The following NOL4L variants were observed in gnomAD, a reference collection of about 807,000 sequenced individuals.
NOL4L encodes nucleolar protein 4 like.
NOL4L carries 7 observed loss-of-function variants against 64.5 expected under a neutral mutation model. The ratio of observed to expected loss-of-function variants is 0.11; its 90% confidence interval spans 0.06 to 0.20. NOL4L has a LOEUF of 0.20. NOL4L is among the 10% of genes least tolerant of loss of function. The pLI, the probability that NOL4L is intolerant of heterozygous loss-of-function variation, is 1.00. For missense variants in NOL4L, 680 were observed against 967.1 expected, an observed-to-expected ratio of 0.70 and a Z score of 3.94; for synonymous variants, 413 against 401.0, an observed-to-expected ratio of 1.03 and a Z score of -0.36.
At chr20:32,476,921 G>A (rs1000998248) in intron 4 of NOL4L, among the ~76,000 whole-genome samples, 1 of 152,240 alleles carries the variant, frequency 6.6e-6, no homozygotes, top group Non-Finnish European at 1.5e-5. Flanking sequence ...GTGGCTCCAC[G>A]CAAGTTTCAG....
intron 5 of NOL4L, 147 bp downstream of exon 5, chr20:32,474,454 G>C: frequency 1.1e-6 from 1 of 883,742 alleles, no homozygotes. Flanking sequence ...AGAACACTGG[G>C]GGCAGTGCAA....
chr20:32,485,454 C>A (rs756516000), intron 4 of NOL4L: 2 of 254,552 alleles, frequency 7.9e-6, no homozygotes, highest in Admixed American at 1.0e-4. Flanking sequence ...ATTAGCGCCA[C>A]GCAGGCTTCC....
At chr20:32,491,049 C>A (rs1199789872) in intron 4 of NOL4L, among the ~76,000 whole-genome samples, 1 of 152,192 alleles carries the variant, frequency 6.6e-6, no homozygotes, top group Admixed American at 6.5e-5. Flanking sequence ...CACATATGTA[C>A]AGAGCCACTA....
rs2012408895 is a variant in NOL4L, at chr20:32,447,594, G to A, written c.*2C>T. 1 of 1,593,014 alleles carries A rather than the reference G, an allele frequency of 6.3e-7. No homozygotes were observed. The highest frequency in any genetic ancestry group is 1.7e-5 in the Admixed American group (1 of 59,668). The stretch of plus-strand genomic sequence containing the variant: ...GGCAGTGCGCTCCAGGTGCCGGTGG[G>A]GTCAGTTCTGCTGTAGGATGAGGTT... On this transcript the variant is annotated 3_prime_UTR_variant, in exon 11 of 11. Coordinates refer to ENST00000621426, the MANE Select transcript of NOL4L (RefSeq NM_001256798.2).
At position 32,465,694 on chromosome 20, in the gene NOL4L, C is replaced by T. The variant is rs1017240573; in HGVS notation, c.841+8907G>A. Among the ~76,000 whole-genome samples, 3 of 152,264 alleles carry T rather than the reference C, an allele frequency of 2.0e-5. No individual in the cohort carries two copies. In the East Asian group the frequency reaches 5.8e-4, roughly 29 times the overall value. ...ACGGGGCAGGGCCCTGGCCCCAAAG[C>T]CCCTGCAGGCCCTCCTCCAGCCCTC... On this transcript the variant is annotated intron_variant, in intron 5 of 10. Coordinates refer to ENST00000621426, the MANE Select transcript of NOL4L (RefSeq NM_001256798.2).
chr20:32,453,248 G>GCATC lies in NOL4L; in HGVS notation c.1497+55_1497+56insGATG. The GCATC allele has an allele frequency of 6.4e-7, 1 of 1,573,896 alleles. No individual in the cohort carries two copies. The highest frequency in any genetic ancestry group is 8.7e-7 in the Non-Finnish European group (1 of 1,153,870). On this transcript the variant is annotated intron_variant, in intron 8 of 10. Transcript: ENST00000621426. This position sits in a 1 kb window ranked among gnomAD's most constrained non-coding sequence, Gnocchi z 5.6. ...GGGGCCCGGGCATCCTGGGAGTGTGGCAGGAGGTCAGTAGTGGCACCGAGG... is the reference window on the plus strand; with the variant it reads ...GGGGCCCGGGCATCCTGGGAGTGTGGCATCCAGGAGGTCAGTAGTGGCACCGAGG...
chr20:32,446,977 C>T lies in NOL4L; in HGVS notation c.*619G>A. 3.2e-6 allele frequency: 1 copy of T among 307,784 alleles called. No homozygotes were observed. Among genetic ancestry groups the T allele is most frequent in the South Asian group, 2.4e-5 (1 of 40,968 alleles). 19.1% of individuals were successfully genotyped at this position (307,784 alleles called of 1,614,324 possible). On this transcript the variant is annotated 3_prime_UTR_variant, in exon 11 of 11. Coordinates refer to ENST00000621426, the MANE Select transcript of NOL4L (RefSeq NM_001256798.2). ...TGCAACAGGATGGCCTGGCCAAGGG[C>T]TAGCGGCCACAGGGTGCACCAGGCA... is the stretch of plus-strand genomic sequence containing the variant.
At position 32,452,251 on chromosome 20, in the gene NOL4L, C is replaced by T; in HGVS notation, c.1807G>A (p.Gly603Arg). The change falls in exon 10 of 11, where the codon GGA (glycine) becomes AGA (arginine). Residue 603 changes from glycine (G) to arginine (R), a missense_variant. Coordinates refer to ENST00000621426, the MANE Select transcript of NOL4L (RefSeq NM_001256798.2). ...NLQPPASLQT[G>R]NHSNGPTDLS... is the part of the protein sequence containing the mutation. Reference sequence around the variant, plus strand: ...CCCGACTCACCATTACTGTGGTTTCCTGTTTGGAGGGAGGCAGGGGGCTGC... The same window carrying T: ...CCCGACTCACCATTACTGTGGTTTCTTGTTTGGAGGGAGGCAGGGGGCTGC... 1.3e-6 allele frequency: 2 copies of T among 1,565,860 alleles called. No homozygotes were observed. The highest frequency in any genetic ancestry group is 1.2e-5 in the South Asian group (1 of 83,216).
chr20:32,537,869 C>A (rs1404310482), intron 1 of NOL4L, among the ~76,000 whole-genome samples: 1 of 151,946 alleles, frequency 6.6e-6, no homozygotes, highest in East Asian at 1.9e-4. Flanking sequence ...ACCTCCGGCT[C>A]CTGGGTTCAA....
At chr20:32,488,826 TTTTTCTTTCTTTCTTTCTTTCTTTCTTTC>T (rs1568648795) in intron 4 of NOL4L, among the ~76,000 whole-genome samples, 4 of 14,530 alleles carry the variant, frequency 2.8e-4, no homozygotes, top group Non-Finnish European at 5.2e-4. Context: ...TCTTTCTTTC[TTTTTCTTTCTTTCTTTCTTTCTTTCTTTC>T]TTTCTTTCTT....
Position 32,559,992 on chromosome 20 carries a change from C to CCGGCCCCCTGGCA in NOL4L, c.321+24565_321+24577dup, listed in dbSNP as rs1978906522. 5.9e-5 allele frequency among the ~76,000 whole-genome samples: 9 copies of CCGGCCCCCTGGCA among 152,386 alleles called. 1 individual carries two copies. The South Asian group carries it at 1.9e-3, about 32-fold the overall frequency. On this transcript the variant is annotated intron_variant, in intron 1 of 10. Transcript: ENST00000621426. ...GGCCCAGACAAAGGCGGCGGTGTGC[C>CCGGCCCCCTGGCA]CGGCCCCCTGGCACTCGGGCTGCCT... is the stretch of plus-strand genomic sequence containing the variant.
intron 1 of NOL4L, among the ~76,000 whole-genome samples, chr20:32,528,600 G>C (rs2018228646): frequency 6.6e-6 from 1 of 152,194 alleles, no homozygotes; most frequent in African/African-American, 2.4e-5. Flanking sequence ...GCCCGACTAG[G>C]TGTGCCAGGA....
intron 5 of NOL4L, among the ~76,000 whole-genome samples, chr20:32,465,740 G>A (rs751580759): frequency 2.2e-4 from 34 of 152,350 alleles, no homozygotes; most frequent in African/African-American, 6.5e-4. Context: ...GTCTGGGTTC[G>A]GTGCATTGCA....
At chr20:32,473,369 G>A (rs982438402) in intron 5 of NOL4L, among the ~76,000 whole-genome samples, 4 of 152,168 alleles carry the variant, frequency 2.6e-5, no homozygotes, top group African/African-American at 4.8e-5. Flanking sequence ...TGCCCCCGCC[G>A]GTCCCCACCC....
At position 32,537,017 on chromosome 20, in the gene NOL4L, C is replaced by G. The variant is rs1403895190; in HGVS notation, c.322-9104G>C. ...GCGCGCCCGCCGGCCTCGCGTCCCC[C>G]TTCCGGCCCCGCCAACCGGCTCCCG... On this transcript the variant is annotated intron_variant, in intron 1 of 10. Transcript: ENST00000621426. The G allele has an allele frequency of 3.1e-6, 3 of 976,846 alleles. No individual in the cohort carries two copies. In the East Asian group the frequency reaches 3.4e-4, roughly 112 times the overall value. 60.5% of individuals were successfully genotyped at this position (976,846 alleles called of 1,614,324 possible).
chr20:32,459,289 A>C (rs2013832674), intron 5 of NOL4L, among the ~76,000 whole-genome samples: 1 of 149,948 alleles, frequency 6.7e-6, no homozygotes, highest in East Asian at 1.9e-4. Flanking sequence ...TGCCCAGGCT[A>C]GAGTACAGCG....
At chr20:32,488,786 C>T (rs867865204) in intron 4 of NOL4L, among the ~76,000 whole-genome samples, 9,050 of 54,284 alleles carry the variant, frequency 0.17, 694 homozygotes, top group African/African-American at 0.19. Flanking sequence ...TTCCTTCCTT[C>T]CTTCCTTTCT....
chr20:32,520,590 T>C lies in NOL4L; in HGVS notation c.589+221A>G, dbSNP rs552686383. Reference sequence around the variant, plus strand: ...AGGGGAAACATGTTGTTCACTTTTTTGTTTTGTATGGTTGGTTTTTAAGTG... The same window carrying C: ...AGGGGAAACATGTTGTTCACTTTTTCGTTTTGTATGGTTGGTTTTTAAGTG... On this transcript the variant is annotated intron_variant, in intron 3 of 10. Coordinates refer to ENST00000621426, the MANE Select transcript of NOL4L (RefSeq NM_001256798.2). 4.6e-5 allele frequency among the ~76,000 whole-genome samples: 7 copies of C among 152,364 alleles called. No individual in the cohort carries two copies. In the South Asian group the frequency reaches 6.2e-4, roughly 14 times the overall value.
intron 1 of NOL4L, 142 bp downstream of exon 1, chr20:32,584,428 G>T: frequency 1.6e-6 from 1 of 621,252 alleles, no homozygotes; most frequent in Non-Finnish European, 2.3e-6. Flanking sequence ...GAGCAGGGAC[G>T]CGTGCGCCTC....
Sources: allele counts gnomAD v4.1 joint callset (sites outside exome capture counted in the v4.1 genomes callset), GRCh38; gene constraint gnomAD v4.1.1; non-coding constraint Gnocchi (gnomAD v3.1); transcripts MANE v1.5; gene names NCBI Gene and HGNC (gene_info 2026-07-23, HGNC 2026-07-21).